Variants in HPSE2 observed in about 807,000 individuals in gnomAD.
HPSE2 encodes the protein inactive heparanase-2.
In HPSE2, 38 loss-of-function variants were observed where a neutral mutation model predicts 60.5. The observed-to-expected ratio is 0.63, with a 90% CI of 0.48 to 0.82. HPSE2 has a LOEUF of 0.82. Among genes scored for constraint, HPSE2 ranks in the 40% least tolerant of loss-of-function variants. The probability of loss-of-function intolerance (pLI) is 0.00; values close to 1 mark genes in which losing one functional copy is unlikely to be tolerated. For synonymous variants in HPSE2, 295 were observed against 293.2 expected (o/e 1.01, Z -0.06); for missense variants, 713 against 740.4 (o/e 0.96, Z 0.43).
the HPSE2 span, among the ~76,000 whole-genome samples, chr10:99,244,806 A>G: frequency 6.6e-6 from 1 of 152,052 alleles, no homozygotes; most frequent in Non-Finnish European, 1.5e-5. Flanking sequence ...AATAATCAAA[A>G]TCAGCTGACA....
intron 4 of HPSE2, among the ~76,000 whole-genome samples, chr10:98,740,663 T>C (rs1949475117): frequency 6.6e-6 from 1 of 152,194 alleles, no homozygotes; most frequent in Non-Finnish European, 1.5e-5. Flanking sequence ...ACTTATACTT[T>C]GTTTTTTCCA....
intron 2 of HPSE2, among the ~76,000 whole-genome samples, chr10:99,195,996 G>A (rs1267697459): frequency 6.6e-6 from 1 of 151,994 alleles, no homozygotes; most frequent in South Asian, 2.1e-4. Flanking sequence ...CATGGTAGTG[G>A]CATAAAAACA....
chr10:99,088,576 T>C (rs990759916), intron 3 of HPSE2, among the ~76,000 whole-genome samples: 2 of 152,238 alleles, frequency 1.3e-5, no homozygotes, highest in Admixed American at 6.5e-5. Context: ...GGTGTATATA[T>C]ACCACATTTT....
chr10:99,283,936 T>A, the HPSE2 span, among the ~76,000 whole-genome samples: 2 of 152,168 alleles, frequency 1.3e-5, no homozygotes, highest in Non-Finnish European at 2.9e-5. Flanking sequence ...CACTGATGAG[T>A]TCTACCAATT....
chr10:98,471,132 T>G (rs1350410934), intron 11 of HPSE2, among the ~76,000 whole-genome samples: 1 of 152,250 alleles, frequency 6.6e-6, no homozygotes. Flanking sequence ...TGTTCACACC[T>G]TTGGCAAAAT....
chr10:98,903,481 G>A (rs1011409759), intron 3 of HPSE2, among the ~76,000 whole-genome samples: 3 of 151,956 alleles, frequency 2.0e-5, no homozygotes, highest in Admixed American at 2.0e-4. Flanking sequence ...AAATGTATTC[G>A]GTCTCTCTGC....
At chr10:98,498,499 C>T (rs563764065) in intron 9 of HPSE2, among the ~76,000 whole-genome samples, 1 of 152,258 alleles carries the variant, frequency 6.6e-6, no homozygotes, top group Non-Finnish European at 1.5e-5. Flanking sequence ...GAACAACAGC[C>T]TTTAGCTGTA....
chr10:98,602,039 C>T (rs12356549), intron 9 of HPSE2, among the ~76,000 whole-genome samples: 62,959 of 151,958 alleles, frequency 0.41, 15,684 homozygotes, highest in Admixed American at 0.53. Context: ...CTTTGCAGGT[C>T]GGGTTGGGGA....
rs1554852382 is a variant in HPSE2 at position 98,960,716 on chromosome 10, T to TTAA, written c.610+183521_610+183522insTTA. On this transcript the variant is annotated intron_variant, in intron 3 of 11. Transcript: ENST00000370552. ...ATGTACATTTCTTTTTTTTTTTTTTTTTTTGTTTTATTTTTTTTATTTTAT... is the reference window on the plus strand; with the variant it reads ...ATGTACATTTCTTTTTTTTTTTTTTTTAATTTTGTTTTATTTTTTTTATTTTAT... 2.8e-4 allele frequency among the ~76,000 whole-genome samples: 29 copies of TTAA among 104,604 alleles called. 1 individual carries two copies. Among genetic ancestry groups the TTAA allele is most frequent in the African/African-American group, 9.3e-4 (21 of 22,488 alleles). The allele number at this position is 104,604 out of a possible 152,430, so 68.6% of individuals were successfully genotyped here. A position where few individuals can be genotyped will look rare whatever the true frequency, so the allele number is the denominator to read the frequency against.
At chr10:98,671,323 A>C (rs958268478) in intron 6 of HPSE2, among the ~76,000 whole-genome samples, 2 of 152,200 alleles carry the variant, frequency 1.3e-5, no homozygotes, top group Non-Finnish European at 2.9e-5. Context: ...GAGCCAAGTC[A>C]AATGGTCTCT....
intron 9 of HPSE2, among the ~76,000 whole-genome samples, chr10:98,601,660 G>A (rs546099200): frequency 3.4e-4 from 52 of 152,352 alleles, no homozygotes; most frequent in African/African-American, 1.1e-3. Flanking sequence ...CCACCCCTGC[G>A]GGGAGGAATA....
At chr10:98,547,520 T>C (rs1026980526) in intron 9 of HPSE2, among the ~76,000 whole-genome samples, 6 of 146,792 alleles carry the variant, frequency 4.1e-5, no homozygotes, top group Admixed American at 1.4e-4. Flanking sequence ...ATGGATGAAA[T>C]TGGAAATCAT....
Position 98,890,104 on chromosome 10 carries a change from C to T in HPSE2, c.611-146048G>A, listed in dbSNP as rs7071190. On this transcript the variant is annotated intron_variant, in intron 3 of 11. Transcript: ENST00000370552. The stretch of plus-strand genomic sequence containing the variant: ...TATGTAGTTGTCTGAAAGGGTGTTA[C>T]GAGAATTAAATTAAATTCAGGTAAA... Among the ~76,000 whole-genome samples the T allele has an allele frequency of 2.6e-3, 397 of 152,174 alleles. 3 individuals are homozygous for T. The highest frequency in any genetic ancestry group is 9.2e-3 in the African/African-American group (384 of 41,516).
intron 3 of HPSE2, chr10:99,047,920 G>C (rs1470434127): frequency 2.5e-5 from 19 of 758,234 alleles, no homozygotes; most frequent in Non-Finnish European, 4.3e-5. Context: ...TTGTCCTCAG[G>C]ATCAGAGGTA....
chr10:98,513,904 C>T (rs1401511679), intron 9 of HPSE2, among the ~76,000 whole-genome samples: 4 of 152,116 alleles, frequency 2.6e-5, no homozygotes, highest in Non-Finnish European at 4.4e-5. Context: ...CACTCCTAGG[C>T]ATATACCCAA....
chr10:98,863,705 A>G (rs1952516416), intron 3 of HPSE2, among the ~76,000 whole-genome samples: 1 of 152,080 alleles, frequency 6.6e-6, no homozygotes, highest in South Asian at 2.1e-4. Context: ...AAAACCCCTA[A>G]CTGTCATTTA....
intron 3 of HPSE2, among the ~76,000 whole-genome samples, chr10:99,111,265 C>A (rs1392108041): frequency 6.6e-6 from 1 of 152,124 alleles, no homozygotes; most frequent in Non-Finnish European, 1.5e-5. Context: ...TGACTTTGTT[C>A]TTCCTCTTTA....
chr10:99,023,555 T>C (rs1957311413), intron 3 of HPSE2, among the ~76,000 whole-genome samples: 1 of 152,192 alleles, frequency 6.6e-6, no homozygotes, highest in Non-Finnish European at 1.5e-5. Context: ...CTCAGTGCTA[T>C]GCTGGCTTCA....
chr10:99,161,006 A>G (rs1589754094), intron 2 of HPSE2, among the ~76,000 whole-genome samples: 1 of 151,310 alleles, frequency 6.6e-6, no homozygotes, highest in Non-Finnish European at 1.5e-5. Context: ...GCTTGAGGCC[A>G]GAAGTTTGAC....
Sources: allele counts gnomAD v4.1 joint callset (sites outside exome capture counted in the v4.1 genomes callset), GRCh38; gene constraint gnomAD v4.1.1; transcripts MANE v1.5; gene names NCBI Gene and HGNC (gene_info 2026-07-23, HGNC 2026-07-21).